The following SPECC1 variants were observed in gnomAD, a reference collection of about 807,000 sequenced individuals.
SPECC1 encodes the protein sperm antigen with calponin homology and coiled-coil domains 1, also known as cytospin-B.
A neutral mutation model predicts 104.1 loss-of-function variants in SPECC1; 62 were observed. The ratio of observed to expected loss-of-function variants is 0.60; its 90% CI spans 0.49 to 0.74. SPECC1 has a LOEUF of 0.74. Among genes scored for constraint, SPECC1 ranks in the 30% least tolerant of loss-of-function variants. The pLI is 0.00. For missense variants in SPECC1, 1,306 were observed against 1,310.5 expected (o/e 1.00, Z 0.05); for synonymous variants, 513 against 501.6 (o/e 1.02, Z -0.30).
chr17:20,271,351 C>G (rs190863749), intron 12 of SPECC1, among the ~76,000 whole-genome samples: 6 of 152,048 alleles, frequency 3.9e-5, no homozygotes, highest in Non-Finnish European at 8.8e-5. Context: ...CACTCCCACC[C>G]CCCCCATGCT....
At chr17:20,012,419 ATGT>A (rs770319986) in intron 1 of SPECC1, among the ~76,000 whole-genome samples, 22 of 151,624 alleles carry the variant, frequency 1.5e-4, no homozygotes, top group South Asian at 2.1e-4. Flanking sequence ...TTTTCTTTAA[ATGT>A]TGTATTTTTG....
At chr17:20,085,857 C>T (rs528742818) in intron 1 of SPECC1, among the ~76,000 whole-genome samples, 1 of 152,232 alleles carries the variant, frequency 6.6e-6, no homozygotes, top group Non-Finnish European at 1.5e-5. Flanking sequence ...ATATCCACCA[C>T]GACTCTGGGT....
At chr17:20,182,219 TTC>T (rs2034955353) in intron 3 of SPECC1, among the ~76,000 whole-genome samples, 1 of 149,902 alleles carries the variant, frequency 6.7e-6, no homozygotes, top group African/African-American at 2.5e-5. Context: ...GCCCAGGTGA[TTC>T]TCTCACCTCA....
At chr17:20,103,466 A>G (rs75521061) in intron 2 of SPECC1, among the ~76,000 whole-genome samples, 3 of 152,320 alleles carry the variant, frequency 2.0e-5, no homozygotes, top group East Asian at 3.9e-4. Flanking sequence ...CAGATCTTCT[A>G]AGTGGACGTA....
intron 1 of SPECC1, among the ~76,000 whole-genome samples, chr17:20,048,472 TG>T (rs1412295331): frequency 2.0e-5 from 3 of 152,132 alleles, no homozygotes; most frequent in Non-Finnish European, 2.9e-5. Context: ...CCCTCGATTT[TG>T]TTCAGCAAAT....
chr17:20,239,225 G>C, intron 7 of SPECC1: 1 of 1,016,406 alleles, frequency 9.8e-7, no homozygotes. Context: ...TTAATGTATT[G>C]GATTTTTTCT....
intron 13 of SPECC1, among the ~76,000 whole-genome samples, chr17:20,301,868 G>C (rs769293956): frequency 1.3e-5 from 2 of 152,072 alleles, no homozygotes; most frequent in Non-Finnish European, 2.9e-5. Flanking sequence ...ACTACACCTG[G>C]CTAGTTTTTA....
At chr17:20,084,370 A>G (rs1290901609) in intron 1 of SPECC1, among the ~76,000 whole-genome samples, 1 of 152,200 alleles carries the variant, frequency 6.6e-6, no homozygotes, top group East Asian at 1.9e-4. Context: ...CAGAGGTTGC[A>G]GTGAGCCGAG....
At chr17:20,208,502 A>G (rs2036928265) in intron 4 of SPECC1, among the ~76,000 whole-genome samples, 1 of 152,230 alleles carries the variant, frequency 6.6e-6, no homozygotes, top group Admixed American at 6.5e-5. Context: ...AATTTAAATG[A>G]TAATACTTAA....
At chr17:20,162,238 C>A (rs55868133) in intron 3 of SPECC1, among the ~76,000 whole-genome samples, 1 of 152,078 alleles carries the variant, frequency 6.6e-6, no homozygotes, top group Non-Finnish European at 1.5e-5. Context: ...CTCCACCTCC[C>A]GGGTTCACGC....
In SPECC1 at chr17:20,210,363, G is replaced by A. The variant is rs527883980; in HGVS notation, c.1863+4451G>A. Among the ~76,000 whole-genome samples the A allele has an allele frequency of 4.5e-3, 680 of 152,282 alleles. 1 individual carries two copies. Among genetic ancestry groups the A allele is most frequent in the Non-Finnish European group, 7.8e-3 (531 of 68,022 alleles). On this transcript the variant is annotated intron_variant, in intron 4 of 14. Coordinates refer to ENST00000395527, the MANE Select transcript of SPECC1 (RefSeq NM_001243439.2). ...TTGGCTGTGGCTGCCCATGATGCAG[G>A]CCCAGGCTGTGGCTGGCAGTGCTGT...
chr17:20,244,880 C>T (rs2039354266), intron 7 of SPECC1, among the ~76,000 whole-genome samples: 1 of 152,158 alleles, frequency 6.6e-6, no homozygotes, highest in South Asian at 2.1e-4. Flanking sequence ...TTGGCTCCTT[C>T]ACAGGGAGAT....
chr17:20,291,080 GGATGCACA>G (rs1475916813), intron 12 of SPECC1, among the ~76,000 whole-genome samples: 5 of 152,214 alleles, frequency 3.3e-5, no homozygotes, highest in Non-Finnish European at 5.9e-5. Flanking sequence ...TGGCCCGTTT[GGATGCACA>G]AGTTCCTTGG....
chr17:20,157,286 G>A (rs1340064610), intron 3 of SPECC1, among the ~76,000 whole-genome samples: 1 of 152,004 alleles, frequency 6.6e-6, no homozygotes, highest in Admixed American at 6.5e-5. Flanking sequence ...ACATTGGACT[G>A]GTACCACAGC....
intron 9 of SPECC1, among the ~76,000 whole-genome samples, chr17:20,248,129 G>A (rs1046843970): frequency 1.1e-4 from 17 of 152,142 alleles, no homozygotes; most frequent in Admixed American, 7.9e-4. Context: ...ACCAGAAAAC[G>A]GTGGAACAGA....
chr17:20,110,286 C>T (rs1267445543), intron 2 of SPECC1, 141 bp from the exon 3 acceptor site: 1 of 1,019,398 alleles, frequency 9.8e-7, no homozygotes, highest in African/African-American at 1.6e-5. Flanking sequence ...TTTTTCACTT[C>T]ACTCTATCAT....
chr17:20,299,935 G>C (rs1208106398), intron 13 of SPECC1, among the ~76,000 whole-genome samples: 2 of 152,208 alleles, frequency 1.3e-5, no homozygotes, highest in Non-Finnish European at 1.5e-5. Context: ...GCAGGTTCCT[G>C]GGATGATGGG....
At chr17:20,231,709 T>A in intron 5 of SPECC1, 49 bp from the exon 6 acceptor site, 1 of 1,575,590 alleles carries the variant, frequency 6.3e-7, no homozygotes, top group South Asian at 1.1e-5. Context: ...TGTCTTCTCT[T>A]AAGAGTCTCA....
intron 14 of SPECC1, among the ~76,000 whole-genome samples, chr17:20,306,348 A>G (rs2041764099): frequency 6.6e-6 from 1 of 152,244 alleles, no homozygotes; most frequent in South Asian, 2.1e-4. Context: ...TCTTGTTCAG[A>G]ACACCTAGAA....
Sources: allele counts gnomAD v4.1 joint callset (sites outside exome capture counted in the v4.1 genomes callset), GRCh38; gene constraint gnomAD v4.1.1; transcripts MANE v1.5; gene names NCBI Gene and HGNC (gene_info 2026-07-23, HGNC 2026-07-21).